CNTN3: variants seen among roughly 807,000 people sequenced by gnomAD.
The protein encoded by CNTN3 is contactin 3.
Under a neutral mutation model 119.1 loss-of-function variants are expected in CNTN3, and 60 were observed. That is an observed-to-expected ratio of 0.50 (90% CI 0.41 to 0.62). The LOEUF is 0.62. CNTN3 is among the 20% of genes least tolerant of loss of function. The pLI, the probability that CNTN3 is intolerant of heterozygous loss-of-function variation, is 0.00. For missense variants in CNTN3, 1,101 were observed against 1,242.4 expected (o/e 0.89, Z 1.71); for synonymous variants, 450 against 438.7 (o/e 1.03, Z -0.32).
intron 20 of CNTN3, among the ~76,000 whole-genome samples, chr3:74,270,499 G>T (rs879635949): frequency 2.0e-5 from 3 of 152,090 alleles, no homozygotes; most frequent in Admixed American, 6.6e-5. Flanking sequence ...AAAAAGTATA[G>T]TTTTAGGCCA....
intron 4 of CNTN3, among the ~76,000 whole-genome samples, chr3:74,468,586 TAACAG>T (rs1318139664): frequency 5.9e-5 from 9 of 152,232 alleles, no homozygotes; most frequent in African/African-American, 1.7e-4. Context: ...TTATCTGAAT[TAACAG>T]ATTATTTTTT....
At chr3:74,347,753 G>C (rs1464636243) in intron 11 of CNTN3, among the ~76,000 whole-genome samples, 2 of 152,162 alleles carry the variant, frequency 1.3e-5, no homozygotes, top group African/African-American at 4.8e-5. Flanking sequence ...TTTCCAAAAG[G>C]TGAACACAGT....
At chr3:74,477,124 T>C (rs1488357705) in intron 4 of CNTN3, among the ~76,000 whole-genome samples, 1 of 152,124 alleles carries the variant, frequency 6.6e-6, no homozygotes, top group African/African-American at 2.4e-5. Context: ...CATTATGTGC[T>C]AGACAGTGTT....
chr3:74,357,168 C>T (rs1046894338), intron 11 of CNTN3, among the ~76,000 whole-genome samples: 3 of 152,040 alleles, frequency 2.0e-5, no homozygotes, highest in Admixed American at 6.5e-5. Flanking sequence ...CCTCGTGATC[C>T]GCCTGCCTCG....
intron 3 of CNTN3, among the ~76,000 whole-genome samples, chr3:74,495,940 A>G (rs1269669636): frequency 2.0e-5 from 3 of 152,086 alleles, no homozygotes; most frequent in African/African-American, 7.2e-5. Flanking sequence ...AAGCATTTAT[A>G]GAAAAGAGTT....
intron 2 of CNTN3, among the ~76,000 whole-genome samples, chr3:74,519,918 T>C (rs981025712): frequency 2.6e-5 from 4 of 151,706 alleles, no homozygotes; most frequent in African/African-American, 9.7e-5. Context: ...TTATTGATTA[T>C]GGATTTTTGC....
Position 74,327,105 on chromosome 3 carries a change from CCTTTTTTT to C in CNTN3, c.1668+7622_1668+7629del, listed in dbSNP as rs1249546519. ...CTAAAGTAGCTTATGAAGGGTTAAT[CCTTTTTTT>C]TTTTTTTTTTTTTTTTTTGTTTGTT... On this transcript the variant is annotated intron_variant, in intron 13 of 22. Coordinates refer to ENST00000263665, the MANE Select transcript of CNTN3 (RefSeq NM_020872.3). Among the ~76,000 whole-genome samples, 115 of 90,706 alleles carry C rather than the reference CCTTTTTTT, an allele frequency of 1.3e-3. 1 individual carries two copies. Among genetic ancestry groups the C allele is most frequent in the African/African-American group, 4.2e-3 (101 of 24,296 alleles). 59.5% of individuals were successfully genotyped at this position (90,706 alleles called of 152,430 possible).
chr3:74,444,669 C>T (rs1277188453), intron 4 of CNTN3, among the ~76,000 whole-genome samples: 2 of 152,072 alleles, frequency 1.3e-5, no homozygotes, highest in Non-Finnish European at 2.9e-5. Context: ...TGTGGGATAG[C>T]TTTATTTCTA....
rs555766415 is a variant in CNTN3, at chr3:74,469,008, A to T, written c.358+17448T>A. 6.4e-4 allele frequency among the ~76,000 whole-genome samples: 98 copies of T among 152,320 alleles called. 1 individual carries two copies. In the South Asian group the frequency reaches 0.016, roughly 25 times the overall value. On this transcript the variant is annotated intron_variant, in intron 4 of 22. Coordinates refer to ENST00000263665, the MANE Select transcript of CNTN3 (RefSeq NM_020872.3). Reference sequence around the variant, plus strand: ...GTGATACTTGGGAAAATCTCAATTAAAAAAAAGAAGAGAAAAAATATTTCA... The same window carrying T: ...GTGATACTTGGGAAAATCTCAATTATAAAAAAGAAGAGAAAAAATATTTCA...
chr3:74,462,656 A>G lies in CNTN3; in HGVS notation c.358+23800T>C, dbSNP rs551870879. On this transcript the variant is annotated intron_variant, in intron 4 of 22. Transcript: ENST00000263665. ...AGGCCACTTCCTCCATAATATATTGATTGACTCCCCCCAGACTCCTGTTGT... is the reference window on the plus strand; with the variant it reads ...AGGCCACTTCCTCCATAATATATTGGTTGACTCCCCCCAGACTCCTGTTGT... 9.2e-5 allele frequency among the ~76,000 whole-genome samples: 14 copies of G among 152,182 alleles called. No homozygotes were observed. In the South Asian group the frequency reaches 2.1e-3, roughly 23 times the overall value.
At chr3:74,336,262 A>T (rs1458215610) in intron 12 of CNTN3, among the ~76,000 whole-genome samples, 2 of 152,150 alleles carry the variant, frequency 1.3e-5, no homozygotes, top group Non-Finnish European at 1.5e-5. Flanking sequence ...ATTTAAAAAA[A>T]AATAGAATGA....
chr3:74,593,168 A>G (rs920681750), intron 1 of CNTN3, among the ~76,000 whole-genome samples: 1 of 151,974 alleles, frequency 6.6e-6, no homozygotes, highest in African/African-American at 2.4e-5. Flanking sequence ...ACAATTTATG[A>G]CAAGAGTCTA....
chr3:74,422,637 A>G (rs1484443135), intron 5 of CNTN3, among the ~76,000 whole-genome samples: 1 of 152,220 alleles, frequency 6.6e-6, no homozygotes, highest in African/African-American at 2.4e-5. Flanking sequence ...CAATGAATGT[A>G]TCTAATCATA....
intron 1 of CNTN3, among the ~76,000 whole-genome samples, chr3:74,521,741 C>T (rs2107122921): frequency 6.6e-6 from 1 of 151,898 alleles, no homozygotes; most frequent in East Asian, 1.9e-4. Flanking sequence ...TAGAAATGTT[C>T]AGTCTGAGAA....
chr3:74,403,352 T>C (rs1251186635), intron 5 of CNTN3, among the ~76,000 whole-genome samples: 1 of 152,142 alleles, frequency 6.6e-6, no homozygotes, highest in African/African-American at 2.4e-5. Context: ...CCGAAGGTGC[T>C]TCACACTCAT....
intron 4 of CNTN3, among the ~76,000 whole-genome samples, chr3:74,479,887 A>C (rs1374005610): frequency 2.6e-5 from 4 of 152,122 alleles, no homozygotes; most frequent in Non-Finnish European, 4.4e-5. Flanking sequence ...ACATCCAAAA[A>C]TTTGGCCAAA....
chr3:74,553,057 G>A (rs2107162958), intron 1 of CNTN3, among the ~76,000 whole-genome samples: 1 of 152,196 alleles, frequency 6.6e-6, no homozygotes, highest in Non-Finnish European at 1.5e-5. Context: ...ACCTACATTA[G>A]GTATTTCTCC....
At chr3:74,395,565 C>T (rs1289001412) in intron 5 of CNTN3, among the ~76,000 whole-genome samples, 1 of 152,132 alleles carries the variant, frequency 6.6e-6, no homozygotes, top group Non-Finnish European at 1.5e-5. Flanking sequence ...TATTAGTCAA[C>T]TCTGAAAAAG....
At chr3:74,483,207 G>C (rs1265088841) in intron 4 of CNTN3, among the ~76,000 whole-genome samples, 1 of 151,978 alleles carries the variant, frequency 6.6e-6, no homozygotes, top group African/African-American at 2.4e-5. Context: ...TAAAGCAGAG[G>C]GGGACAGACT....
Sources: allele counts gnomAD v4.1 joint callset (sites outside exome capture counted in the v4.1 genomes callset), GRCh38; gene constraint gnomAD v4.1.1; transcripts MANE v1.5; gene names NCBI Gene and HGNC (gene_info 2026-07-23, HGNC 2026-07-21).